The following ZNF493 variants were observed in gnomAD, a reference collection of about 807,000 sequenced individuals.
ZNF493 encodes the protein zinc finger protein 493.
In ZNF493, 11 loss-of-function variants were observed where a neutral mutation model predicts 12.2. That is an observed-to-expected ratio of 0.90 (90% CI 0.57 to 1.50). The LOEUF (loss-of-function observed/expected upper bound fraction) is 1.50, where lower values mean the gene tolerates loss of function less well. Among genes scored for constraint, ZNF493 ranks in the 40% most tolerant of loss-of-function variants. The pLI is 0.00. For synonymous variants in ZNF493, 286 were observed against 302.6 expected (o/e 0.95, Z 0.57); for missense variants, 950 against 906.6 (o/e 1.05, Z -0.61).
intron 1 of ZNF493, among the ~76,000 whole-genome samples, chr19:21,400,685 C>CAGA (rs1568376318): frequency 6.6e-6 from 1 of 152,208 alleles, no homozygotes; most frequent in East Asian, 1.9e-4. Context: ...TTTCTGCTGA[C>CAGA]AGAAGCTACA....
At chr19:21,407,886 G>A (rs2030185964) in intron 3 of ZNF493, 1 of 985,030 alleles carries the variant, frequency 1.0e-6, no homozygotes, top group Non-Finnish European at 1.2e-6. Flanking sequence ...GCACAATAGA[G>A]TTTACTATTG....
At chr19:21,405,564 C>A in intron 2 of ZNF493, 197 bp from the exon 3 acceptor site, 1 of 1,234,072 alleles carries the variant, frequency 8.1e-7, no homozygotes, top group Non-Finnish European at 1.1e-6. Context: ...ATTTTTTATC[C>A]ATGAATACTG....
intron 3 of ZNF493, among the ~76,000 whole-genome samples, chr19:21,410,037 G>A (rs931244568): frequency 7.2e-6 from 1 of 139,556 alleles, no homozygotes; most frequent in Admixed American, 7.7e-5. Context: ...TCTTCTTTAA[G>A]ACTGAATAAT....
intron 3 of ZNF493, among the ~76,000 whole-genome samples, chr19:21,406,985 ATTG>A (rs996417465): frequency 6.6e-6 from 1 of 151,910 alleles, no homozygotes; most frequent in South Asian, 2.1e-4. Context: ...TATATCTTTT[ATTG>A]TTAACATTTT....
Position 21,423,952 on chromosome 19 carries a change from A to G in ZNF493, c.1293A>G (p.Lys431=), listed in dbSNP as rs755378344. 6.2e-7 allele frequency: 1 copy of G among 1,613,346 alleles called. No individual in the cohort carries two copies. Among genetic ancestry groups the G allele is most frequent in the Non-Finnish European group, 8.5e-7 (1 of 1,179,570 alleles). Residue 431 remains lysine (K), a synonymous_variant, in exon 4 of 4, where the codon AAA becomes AAG. Coordinates refer to ENST00000392288, the MANE Select transcript of ZNF493 (RefSeq NM_001076678.3). ...TTHKRIHTGE[K]PYKCEECGKT... The stretch of plus-strand genomic sequence containing the variant: ...ATAAAAGAATTCATACTGGAGAGAA[A>G]CCCTACAAATGTGAAGAATGTGGCA...
Position 21,425,648 on chromosome 19 carries a change from C to A in ZNF493, c.*664C>A. ...GCAAACCTTTTAACCAATCCTCAACCCTTACTACACATTAGATAATTCATG... is the reference window on the plus strand; with the variant it reads ...GCAAACCTTTTAACCAATCCTCAACACTTACTACACATTAGATAATTCATG... On this transcript the variant is annotated 3_prime_UTR_variant, in exon 4 of 4. Coordinates refer to ENST00000392288, the MANE Select transcript of ZNF493 (RefSeq NM_001076678.3). 2.5e-6 allele frequency: 2 copies of A among 814,566 alleles called. No individual in the cohort carries two copies. The highest frequency in any genetic ancestry group is 1.3e-5 in the South Asian group (1 of 75,700). 50.5% of individuals were successfully genotyped at this position (814,566 alleles called of 1,614,324 possible).
At chr19:21,422,862 A>G (rs1163668017) in intron 3 of ZNF493, 51 bp from the exon 4 acceptor site, 7 of 1,450,454 alleles carry the variant, frequency 4.8e-6, no homozygotes, top group Non-Finnish European at 6.5e-6. Flanking sequence ...TGTAATCTAT[A>G]TTTATCTGAG....
At chr19:21,414,606 T>C (rs966491054) in intron 3 of ZNF493, 4 of 152,218 alleles carry the variant, frequency 2.6e-5, no homozygotes, top group African/African-American at 9.6e-5. Context: ...CTGTATGAAA[T>C]CGTAACTGAG....
chr19:21,397,483 T>C, intron 1 of ZNF493: 1 of 637,556 alleles, frequency 1.6e-6, no homozygotes, highest in Non-Finnish European at 2.8e-6. Flanking sequence ...CCCTGCACTG[T>C]GACTGTGCCC....
At chr19:21,411,375 C>T (rs2030321042) in intron 3 of ZNF493, among the ~76,000 whole-genome samples, 1 of 151,968 alleles carries the variant, frequency 6.6e-6, no homozygotes, top group African/African-American at 2.4e-5. Context: ...TAATGTCTCT[C>T]TGTTCTTTTT....
intron 3 of ZNF493, among the ~76,000 whole-genome samples, chr19:21,415,393 A>G (rs2030457206): frequency 6.6e-6 from 1 of 152,132 alleles, no homozygotes; most frequent in Non-Finnish European, 1.5e-5. Context: ...AATGCCCCCT[A>G]GTAATTTTTG....
intron 1 of ZNF493, among the ~76,000 whole-genome samples, chr19:21,400,678 C>T (rs948979856): frequency 6.6e-6 from 1 of 152,136 alleles, no homozygotes; most frequent in Non-Finnish European, 1.5e-5. Flanking sequence ...AGAAGCCTTT[C>T]TGCTGACAGA....
At chr19:21,414,080 A>G (rs972001994) in intron 3 of ZNF493, 3 of 152,224 alleles carry the variant, frequency 2.0e-5, no homozygotes, top group African/African-American at 7.2e-5. Context: ...ATCTGTTTTA[A>G]TAGAAGCTGG....
At chr19:21,410,054 T>TTGTG (rs71176869) in intron 3 of ZNF493, among the ~76,000 whole-genome samples, 2 of 47,254 alleles carry the variant, frequency 4.2e-5, no homozygotes, top group African/African-American at 1.5e-4. Flanking sequence ...TAATATTTCA[T>TTGTG]TGTGTGTATA....
In ZNF493 at chr19:21,405,802, C is replaced by G. The variant is rs200428628; in HGVS notation, c.199C>G (p.Gln67Glu). ...GCCAGATCTGGTCACCTGTCTGGAG[C>G]AAGGAAAAGATCCCTGGAATATGAA... ...SKPDLVTCLEQGKDPWNMKGH... is the reference protein window; with the variant it reads ...SKPDLVTCLEEGKDPWNMKGH... The change falls in exon 3 of 4, where the codon CAA (glutamine) becomes GAA (glutamate). Residue 67 changes from glutamine (Q) to glutamate (E), a missense_variant. Gln to Glu is a conservative substitution (Grantham distance 29). Coordinates refer to ENST00000392288, the MANE Select transcript of ZNF493 (RefSeq NM_001076678.3). The G allele has an allele frequency of 8.8e-6, 14 of 1,587,838 alleles. No individual in the cohort carries two copies. The highest frequency in any genetic ancestry group is 1.2e-5 in the Non-Finnish European group (14 of 1,166,564).
In ZNF493 at chr19:21,426,714, C is replaced by T. The variant is rs76060882; in HGVS notation, c.*1730C>T. ...AGCTTAGAAAACACCAGAGTTTATA[C>T]GAAAATATATTTTCAAAGGTGTAGT... On this transcript the variant is annotated 3_prime_UTR_variant, in exon 4 of 4. Transcript: ENST00000392288. 5,328 of 166,546 alleles carry T rather than the reference C, an allele frequency of 0.032. 174 individuals are homozygous for T. The highest frequency in any genetic ancestry group is 0.051 in the African/African-American group (2,131 of 41,418). 10.3% of individuals were successfully genotyped at this position (166,546 alleles called of 1,614,324 possible).
chr19:21,427,220 G>A lies in ZNF493; in HGVS notation c.*2236G>A, dbSNP rs1244723435. The A allele has an allele frequency of 6.0e-6, 1 of 167,048 alleles. No homozygotes were observed. The allele number at this position is 167,048 out of a possible 1,614,324, so 10.3% of individuals were successfully genotyped here. On this transcript the variant is annotated 3_prime_UTR_variant, in exon 4 of 4. Transcript: ENST00000392288. ...ACTTATACTATTGAGTGATGCACAA[G>A]GTAGGTGTTAAGAGTAATATTCTTT...
intron 1 of ZNF493, among the ~76,000 whole-genome samples, chr19:21,402,900 T>A (rs2029995014): frequency 6.6e-6 from 1 of 152,138 alleles, no homozygotes; most frequent in South Asian, 2.1e-4. Flanking sequence ...AGTAGAGTAT[T>A]CTTGTCCTTC....
intron 3 of ZNF493, among the ~76,000 whole-genome samples, chr19:21,410,613 A>G (rs1175095183): frequency 6.6e-6 from 1 of 151,980 alleles, no homozygotes; most frequent in Non-Finnish European, 1.5e-5. Flanking sequence ...ATCACATATG[A>G]TTTTTGAATT....
Sources: allele counts gnomAD v4.1 joint callset (sites outside exome capture counted in the v4.1 genomes callset), GRCh38; gene constraint gnomAD v4.1.1; transcripts MANE v1.5; gene names NCBI Gene and HGNC (gene_info 2026-07-23, HGNC 2026-07-21).